EPHA3: variants seen among roughly 807,000 people sequenced by gnomAD.
EPHA3 encodes the protein ephrin type-A receptor 3.
Under a neutral mutation model 107.1 loss-of-function variants are expected in EPHA3, and 42 were observed. The ratio of observed to expected loss-of-function variants is 0.39; its 90% CI spans 0.31 to 0.51. The LOEUF (loss-of-function observed/expected upper bound fraction) is 0.51. Among genes scored for constraint, EPHA3 ranks in the 20% least tolerant of loss-of-function variants. The probability of loss-of-function intolerance (pLI) is 0.78; values close to 1 mark genes in which losing one functional copy is unlikely to be tolerated. For synonymous variants in EPHA3, 461 were observed against 424.8 expected, an observed-to-expected ratio of 1.09 and a Z score of -1.05; for missense variants, 1,183 against 1,211.2, an observed-to-expected ratio of 0.98 and a Z score of 0.35.
intron 2 of EPHA3, among the ~76,000 whole-genome samples, chr3:89,204,739 C>T (rs1335855298): frequency 6.6e-6 from 1 of 151,884 alleles, no homozygotes; most frequent in Non-Finnish European, 1.5e-5. Flanking sequence ...CAGTGACAGC[C>T]TTGCTGTAAG....
chr3:89,154,277 T>G (rs1576188810), intron 2 of EPHA3, among the ~76,000 whole-genome samples: 1 of 151,552 alleles, frequency 6.6e-6, no homozygotes, highest in African/African-American at 2.4e-5. Flanking sequence ...TTTGTTTTTT[T>G]TTTTTTTTAT....
At chr3:89,392,996 CA>C (rs1479318308) in intron 5 of EPHA3, among the ~76,000 whole-genome samples, 11 of 152,006 alleles carry the variant, frequency 7.2e-5, no homozygotes, top group African/African-American at 2.7e-4. Context: ...CATTATTTAT[CA>C]GGGGAAAGAA....
At chr3:89,374,187 T>C (rs936076452) in intron 5 of EPHA3, among the ~76,000 whole-genome samples, 3 of 151,846 alleles carry the variant, frequency 2.0e-5, no homozygotes, top group Non-Finnish European at 2.9e-5. Flanking sequence ...ATACACCAAG[T>C]ATACCACATA....
Position 89,189,341 on chromosome 3 carries a change from T to C in EPHA3, c.154-20519T>C, listed in dbSNP as rs142040180. ...TGGGCACGGTGGCTCACGTCTGTAA[T>C]CCCAGCACTTTGGGAGGCCAAGGCA... On this transcript the variant is annotated intron_variant, in intron 2 of 16. Coordinates refer to ENST00000336596, the MANE Select transcript of EPHA3 (RefSeq NM_005233.6). 5.1e-3 allele frequency among the ~76,000 whole-genome samples: 779 copies of C among 152,302 alleles called. 4 individuals are homozygous for C. Among genetic ancestry groups the C allele is most frequent in the East Asian group, 0.027 (142 of 5,168 alleles).
At chr3:89,329,073 TATCCTGA>T (rs1707234435) in intron 3 of EPHA3, among the ~76,000 whole-genome samples, 1 of 152,100 alleles carries the variant, frequency 6.6e-6, no homozygotes, top group Admixed American at 6.6e-5. Context: ...AGGACACAAT[TATCCTGA>T]ATGAGTATCT....
chr3:89,283,474 A>G (rs1705997602), intron 3 of EPHA3, among the ~76,000 whole-genome samples: 1 of 152,104 alleles, frequency 6.6e-6, no homozygotes, highest in African/African-American at 2.4e-5. Flanking sequence ...CTTCGTAGAA[A>G]ACTTCTGGCT....
chr3:89,441,478 T>A (rs1006947006), intron 13 of EPHA3, among the ~76,000 whole-genome samples: 2 of 152,244 alleles, frequency 1.3e-5, no homozygotes, highest in Non-Finnish European at 2.9e-5. Flanking sequence ...TGCTTCATTT[T>A]AAATGTTTAA....
chr3:89,129,518 TATTTCCTTTAA>T (rs1206011232), intron 2 of EPHA3, among the ~76,000 whole-genome samples: 1 of 151,714 alleles, frequency 6.6e-6, no homozygotes. Context: ...ATATAGTGTA[TATTTCCTTTAA>T]ATTTCCCACA....
At chr3:89,121,585 C>T (rs13084503) in intron 1 of EPHA3, among the ~76,000 whole-genome samples, 18,925 of 151,910 alleles carry the variant, frequency 0.12, 1,227 homozygotes, top group Middle Eastern at 0.18. Flanking sequence ...AGTGAAACCC[C>T]GTCTCTACTA....
intron 2 of EPHA3, among the ~76,000 whole-genome samples, chr3:89,150,070 T>C (rs568876787): frequency 6.6e-6 from 1 of 152,132 alleles, no homozygotes; most frequent in African/African-American, 2.4e-5. Context: ...TTTCCTTGTA[T>C]CTCTGGCTCT....
At chr3:89,432,378 T>C (rs981913457) in intron 13 of EPHA3, among the ~76,000 whole-genome samples, 8 of 152,136 alleles carry the variant, frequency 5.3e-5, no homozygotes, top group African/African-American at 1.9e-4. Context: ...TGTTGTTTTG[T>C]TTTGTGTTTG....
intron 3 of EPHA3, among the ~76,000 whole-genome samples, chr3:89,265,841 C>G (rs1014185806): frequency 2.0e-5 from 3 of 152,086 alleles, no homozygotes; most frequent in Non-Finnish European, 2.9e-5. Flanking sequence ...TTTGTACCCT[C>G]TTCCTCCATG....
In EPHA3 at chr3:89,207,363, AAACT is replaced by A. The variant is rs536433292; in HGVS notation, c.154-2492_154-2489del. ...AAGGAGGGAGGCAACAAGAATTGAA[AAACT>A]AACTGTTGTGTACTATGCTCACAAC... On this transcript the variant is annotated intron_variant, in intron 2 of 16. Coordinates refer to ENST00000336596, the MANE Select transcript of EPHA3 (RefSeq NM_005233.6). 1.3e-4 allele frequency among the ~76,000 whole-genome samples: 20 copies of A among 152,310 alleles called. No individual in the cohort carries two copies. In the South Asian group the frequency reaches 3.5e-3, roughly 27 times the overall value.
intron 5 of EPHA3, among the ~76,000 whole-genome samples, chr3:89,352,446 C>G (rs149120231): frequency 6.6e-6 from 1 of 151,176 alleles, no homozygotes; most frequent in Non-Finnish European, 1.5e-5. Context: ...CTATAAAAAA[C>G]GTTTATAGGC....
intron 2 of EPHA3, among the ~76,000 whole-genome samples, chr3:89,145,495 TA>T (rs1294905746): frequency 6.6e-6 from 1 of 151,850 alleles, no homozygotes; most frequent in Non-Finnish European, 1.5e-5. Context: ...ATGATCTTCA[TA>T]ATATAGCTCT....
chr3:89,407,208 C>T (rs1709071363), intron 7 of EPHA3, 61 bp from the exon 8 acceptor site: 1 of 1,170,812 alleles, frequency 8.5e-7, no homozygotes, highest in Non-Finnish European at 1.3e-6. Context: ...ATCAACTGTT[C>T]CATGTAGATG....
chr3:89,251,781 A>G (rs1346117881), intron 3 of EPHA3, among the ~76,000 whole-genome samples: 1 of 152,020 alleles, frequency 6.6e-6, no homozygotes, highest in Non-Finnish European at 1.5e-5. Context: ...GATGTGTTCC[A>G]AGAAATTGTG....
chr3:89,141,729 T>TTA (rs150520665), intron 2 of EPHA3, among the ~76,000 whole-genome samples: 5,082 of 149,082 alleles, frequency 0.034, 110 homozygotes, highest in African/African-American at 0.056. Flanking sequence ...ATGTGATCTG[T>TTA]TATATATATA....
intron 3 of EPHA3, among the ~76,000 whole-genome samples, chr3:89,295,892 T>C (rs1321478658): frequency 6.6e-6 from 1 of 152,142 alleles, no homozygotes; most frequent in East Asian, 1.9e-4. Context: ...ACCCGACCTC[T>C]TTGTTGTCAT....
Sources: allele counts gnomAD v4.1 joint callset (sites outside exome capture counted in the v4.1 genomes callset), GRCh38; gene constraint gnomAD v4.1.1; transcripts MANE v1.5; gene names NCBI Gene and HGNC (gene_info 2026-07-23, HGNC 2026-07-21).